The following CEP41 variants were observed in gnomAD, a reference collection of about 807,000 sequenced individuals.
The protein encoded by CEP41 is centrosomal protein of 41 kDa.
In CEP41, 32 loss-of-function variants were observed where a neutral mutation model predicts 44.3. That is an observed-to-expected ratio of 0.72 (90% CI 0.54 to 0.97). The LOEUF (loss-of-function observed/expected upper bound fraction) is 0.97. Among genes scored for constraint, CEP41 ranks in the 50% least tolerant of loss-of-function variants. The probability of loss-of-function intolerance (pLI) is 0.00; values close to 1 mark genes in which losing one functional copy is unlikely to be tolerated. For synonymous variants in CEP41, 151 were observed against 168.5 expected (o/e 0.90, Z 0.80); for missense variants, 432 against 455.2 (o/e 0.95, Z 0.46).
At chr7:130,417,253 T>C in intron 2 of CEP41, 4 of 1,214,936 alleles carry the variant, frequency 3.3e-6, no homozygotes, top group South Asian at 1.9e-5. Flanking sequence ...TTTCTATCAG[T>C]TTGTTTTTCA....
intron 8 of CEP41, among the ~76,000 whole-genome samples, 177 bp downstream of exon 8, chr7:130,401,704 C>T (rs1388472534): frequency 6.6e-6 from 1 of 152,164 alleles, no homozygotes; most frequent in Non-Finnish European, 1.5e-5. Context: ...GGTTTGAAAG[C>T]ATCCGCCTAA....
At chr7:130,439,643 A>G (rs543911584) in intron 1 of CEP41, among the ~76,000 whole-genome samples, 1 of 152,246 alleles carries the variant, frequency 6.6e-6, no homozygotes, top group African/African-American at 2.4e-5. Flanking sequence ...GACATTACCA[A>G]TTGACCATGG....
At chr7:130,417,215 A>G (rs1797364526) in intron 2 of CEP41, 4 of 1,312,638 alleles carry the variant, frequency 3.0e-6, no homozygotes, top group Non-Finnish European at 2.9e-6. Context: ...CAAAACATTG[A>G]CAAGTTCCAG....
At chr7:130,419,769 TTA>T in intron 2 of CEP41, 2 of 985,380 alleles carry the variant, frequency 2.0e-6, no homozygotes, top group Non-Finnish European at 2.4e-6. Context: ...TGACAAACTC[TTA>T]GTCTTGCATT....
intron 1 of CEP41, among the ~76,000 whole-genome samples, chr7:130,431,526 A>G (rs1338187105): frequency 6.6e-6 from 1 of 152,158 alleles, no homozygotes; most frequent in Non-Finnish European, 1.5e-5. Context: ...AAAGGGAAGG[A>G]GGGGGTGTGA....
intron 2 of CEP41, among the ~76,000 whole-genome samples, chr7:130,423,967 A>G (rs113350745): frequency 0.012 from 1,823 of 152,382 alleles, 21 homozygotes; most frequent in Middle Eastern, 0.027. Flanking sequence ...AAATATGTCA[A>G]TTCTCCCCAT....
intron 3 of CEP41, among the ~76,000 whole-genome samples, chr7:130,413,289 C>A (rs1482107208): frequency 1.3e-5 from 2 of 152,164 alleles, no homozygotes; most frequent in African/African-American, 4.8e-5. Context: ...AAGCGTCCGG[C>A]CCCACCATTT....
Position 130,394,443 on chromosome 7 carries a change from C to A in CEP41, c.*4448G>T, listed in dbSNP as rs1584858279. The A allele has an allele frequency of 2.2e-6, 1 of 454,098 alleles. No homozygotes were observed. The highest frequency in any genetic ancestry group is 2.0e-5 in the African/African-American group (1 of 50,114). 28.1% of individuals were successfully genotyped at this position (454,098 alleles called of 1,614,324 possible). A position where few individuals can be genotyped will look rare whatever the true frequency, so the allele number is the denominator to read the frequency against. ...GCTAGTATTATTATTTTCTGGAAAT[C>A]TTCAAGATTTGAAACAAAAGAGAAA... On this transcript the variant is annotated 3_prime_UTR_variant, in exon 11 of 11. Coordinates refer to ENST00000223208, the MANE Select transcript of CEP41 (RefSeq NM_018718.3).
chr7:130,403,094 GC>G (rs1554417383), intron 6 of CEP41, among the ~76,000 whole-genome samples: 1 of 152,182 alleles, frequency 6.6e-6, no homozygotes, highest in Non-Finnish European at 1.5e-5. Context: ...GGCACATGCT[GC>G]CTCTAGCCAC....
At chr7:130,420,262 G>C (rs1160512592) in intron 2 of CEP41, 6 of 157,918 alleles carry the variant, frequency 3.8e-5, no homozygotes, top group Non-Finnish European at 6.7e-5. Flanking sequence ...CCCAGGAAGG[G>C]GAGGTTGCAG....
intron 4 of CEP41, among the ~76,000 whole-genome samples, chr7:130,411,530 C>T (rs2117606037): frequency 6.6e-6 from 1 of 152,330 alleles, no homozygotes; most frequent in South Asian, 2.1e-4. Flanking sequence ...AAATGCAATA[C>T]TGACCTAGCA....
rs1554415171 is a variant in CEP41 at position 130,397,436 on chromosome 7, T to G, written c.*1455A>C. 2.3e-6 allele frequency: 1 copy of G among 443,092 alleles called. No homozygotes were observed. Among genetic ancestry groups the G allele is most frequent in the East Asian group, 7.0e-5 (1 of 14,290 alleles). The allele number at this position is 443,092 out of a possible 1,614,324, so 27.4% of individuals were successfully genotyped here. ...AATCTGAAAGTTATTTTTCCATATG[T>G]CTCTATGAGATATTTATTACGTTTA... On this transcript the variant is annotated 3_prime_UTR_variant, in exon 11 of 11. Coordinates refer to ENST00000223208, the MANE Select transcript of CEP41 (RefSeq NM_018718.3).
chr7:130,398,727 C>T lies in CEP41; in HGVS notation c.*164G>A. On this transcript the variant is annotated 3_prime_UTR_variant, in exon 11 of 11. Transcript: ENST00000223208. ...GTCAAAATCCTTCCTGAGGTGGCCT[C>T]CTGAGGGGAGAGGAACTGGAGACAG... 1.1e-6 allele frequency: 1 copy of T among 891,090 alleles called. No individual in the cohort carries two copies. Among genetic ancestry groups the T allele is most frequent in the Non-Finnish European group, 1.9e-6 (1 of 534,088 alleles). The allele number at this position is 891,090 out of a possible 1,614,324, so 55.2% of individuals were successfully genotyped here. A position where few individuals can be genotyped will look rare whatever the true frequency, so the allele number is the denominator to read the frequency against.
intron 1 of CEP41, among the ~76,000 whole-genome samples, chr7:130,439,382 G>A (rs1416845555): frequency 1.3e-5 from 2 of 151,750 alleles, no homozygotes; most frequent in Non-Finnish European, 2.9e-5. Flanking sequence ...GTAAAAAGTT[G>A]TACATGGATT....
At chr7:130,417,418 T>C (rs1403230528) in intron 2 of CEP41, 1 of 938,746 alleles carries the variant, frequency 1.1e-6, no homozygotes, top group African/African-American at 1.8e-5. Flanking sequence ...CCTCTCGGCT[T>C]TGTCTTCACA....
intron 1 of CEP41, chr7:130,440,440 G>C (rs1554427283): frequency 1.8e-5 from 4 of 227,530 alleles, no homozygotes; most frequent in Non-Finnish European, 8.7e-6. Flanking sequence ...GGGGACTAGC[G>C]GTGAAACAGA....
chr7:130,412,273 T>C, intron 3 of CEP41, 33 bp from the exon 4 acceptor site: 1 of 1,182,966 alleles, frequency 8.5e-7, no homozygotes, highest in Non-Finnish European at 1.3e-6. Flanking sequence ...TATTTATCTA[T>C]TTTGCTTTTT....
chr7:130,396,698 C>G lies in CEP41; in HGVS notation c.*2193G>C, dbSNP rs1554414726. The G allele has an allele frequency of 2.2e-6, 1 of 454,508 alleles. No homozygotes were observed. The allele number at this position is 454,508 out of a possible 1,614,324, so 28.2% of individuals were successfully genotyped here. A position where few individuals can be genotyped will look rare whatever the true frequency, so the allele number is the denominator to read the frequency against. On this transcript the variant is annotated 3_prime_UTR_variant, in exon 11 of 11. Transcript: ENST00000223208. ...ATGTTTGATATTAACACTTAACATG[C>G]AAAACGCAGATTAGAACAGCTCTTT...
chr7:130,394,927 ACC>A lies in CEP41; in HGVS notation c.*3962_*3963del, dbSNP rs1237893551. On this transcript the variant is annotated 3_prime_UTR_variant, in exon 11 of 11. Transcript: ENST00000223208. Reference sequence around the variant, plus strand: ...GTGGCCTCTCTTTGCCTCACATTTTACCAGGTGCTTCAGGATGTTACACAGGT... The same window carrying A: ...GTGGCCTCTCTTTGCCTCACATTTTAAGGTGCTTCAGGATGTTACACAGGT... The A allele has an allele frequency of 1.3e-5, 6 of 453,984 alleles. No individual in the cohort carries two copies. Among genetic ancestry groups the A allele is most frequent in the Non-Finnish European group, 2.2e-5 (5 of 226,796 alleles). The allele number at this position is 453,984 out of a possible 1,614,324, so 28.1% of individuals were successfully genotyped here. A position where few individuals can be genotyped will look rare whatever the true frequency, so the allele number is the denominator to read the frequency against.
Sources: gnomAD v4.1 joint callset for allele counts (sites outside exome capture counted in the v4.1 genomes callset) on GRCh38, gnomAD v4.1.1 for gene constraint, MANE v1.5 for transcripts, NCBI Gene and HGNC (gene_info 2026-07-23, HGNC 2026-07-21) for gene names.